The following FGF7 variants were observed in gnomAD, a reference collection of about 807,000 sequenced individuals.
FGF7 encodes the protein fibroblast growth factor 7.
In FGF7, 6 loss-of-function variants were observed where a neutral mutation model predicts 20.5. The observed-to-expected ratio is 0.29, with a 90% CI of 0.16 to 0.58. The LOEUF (loss-of-function observed/expected upper bound fraction) is 0.58. Among genes scored for constraint, FGF7 ranks in the 20% least tolerant of loss-of-function variants. The pLI, the probability that FGF7 is intolerant of heterozygous loss-of-function variation, is 0.90. For synonymous variants in FGF7, 64 were observed against 74.7 expected (o/e 0.86, Z 0.74); for missense variants, 144 against 228.8 (o/e 0.63, Z 2.39).
At chr15:49,445,996 T>C (rs1462143965) in intron 2 of FGF7, among the ~76,000 whole-genome samples, 1 of 151,576 alleles carries the variant, frequency 6.6e-6, no homozygotes, top group African/African-American at 2.4e-5. Flanking sequence ...CATGAATTTT[T>C]TCCTTACTGG....
At chr15:49,479,597 CTGTTTTTTTTTT>C (rs1310401168) in intron 2 of FGF7, among the ~76,000 whole-genome samples, 2 of 102,078 alleles carry the variant, frequency 2.0e-5, no homozygotes, top group Non-Finnish European at 3.7e-5. Context: ...GTTAATACCT[CTGTTTTTTTTTT>C]TTTTTTTTTT....
intron 2 of FGF7, among the ~76,000 whole-genome samples, chr15:49,461,087 T>C (rs1246554186): frequency 1.3e-5 from 2 of 152,188 alleles, no homozygotes; most frequent in Admixed American, 1.3e-4. Flanking sequence ...TTCCTTCTAG[T>C]ATGTTTCTCC....
At chr15:49,472,782 A>G (rs1319446145) in intron 2 of FGF7, among the ~76,000 whole-genome samples, 2 of 152,228 alleles carry the variant, frequency 1.3e-5, no homozygotes, top group Non-Finnish European at 2.9e-5. Context: ...TGTAACTTCA[A>G]ATGGGTAGAA....
At chr15:49,449,375 C>G (rs1171046992) in intron 2 of FGF7, among the ~76,000 whole-genome samples, 2 of 151,984 alleles carry the variant, frequency 1.3e-5, no homozygotes, top group Non-Finnish European at 2.9e-5. Context: ...TATATAAAGA[C>G]AGTTATATTT....
At chr15:49,461,549 T>A (rs531973519) in intron 2 of FGF7, among the ~76,000 whole-genome samples, 31 of 152,306 alleles carry the variant, frequency 2.0e-4, no homozygotes, top group African/African-American at 7.0e-4. Flanking sequence ...CTTGTCTATC[T>A]CTTTGAAAGA....
In FGF7 at chr15:49,468,812, A is replaced by T. The variant is rs780614324; in HGVS notation, c.287-14339A>T. On this transcript the variant is annotated intron_variant, in intron 2 of 3. Transcript: ENST00000267843. The stretch of plus-strand genomic sequence containing the variant: ...TTAATGGTCCTATCCCAATACTAGC[A>T]CTGACAAAAGAGGTTTGTCTTCCGT... Among the ~76,000 whole-genome samples the T allele has an allele frequency of 2.2e-4, 33 of 152,182 alleles. 1 individual carries two copies. Among genetic ancestry groups the T allele is most frequent in the Non-Finnish European group, 5.9e-5 (4 of 68,010 alleles).
At chr15:49,443,684 A>G (rs2051894351) in intron 2 of FGF7, among the ~76,000 whole-genome samples, 1 of 151,762 alleles carries the variant, frequency 6.6e-6, no homozygotes, top group South Asian at 2.1e-4. Flanking sequence ...ATCTTCATTC[A>G]TTTACCTTCT....
intron 2 of FGF7, chr15:49,425,315 G>C (rs2090995690): frequency 6.6e-6 from 1 of 151,914 alleles, no homozygotes; most frequent in African/African-American, 2.4e-5. Flanking sequence ...TCAATTTAAA[G>C]CCTTACATTT....
intron 2 of FGF7, among the ~76,000 whole-genome samples, chr15:49,438,842 A>T (rs1021068523): frequency 4.6e-5 from 7 of 150,938 alleles, no homozygotes; most frequent in Admixed American, 3.3e-4. Context: ...ACTGAGAGAG[A>T]GAGTGGGTGG....
intron 2 of FGF7, among the ~76,000 whole-genome samples, chr15:49,476,641 T>C (rs1365589080): frequency 6.6e-6 from 1 of 152,198 alleles, no homozygotes; most frequent in Non-Finnish European, 1.5e-5. Flanking sequence ...TGGACATAAA[T>C]AAATAATGTA....
intron 2 of FGF7, among the ~76,000 whole-genome samples, chr15:49,475,389 C>T (rs1466413050): frequency 2.0e-5 from 3 of 152,136 alleles, no homozygotes; most frequent in African/African-American, 7.2e-5. Flanking sequence ...GAAAAGGAAC[C>T]AGGGTAGTCC....
intron 2 of FGF7, among the ~76,000 whole-genome samples, chr15:49,471,293 T>C (rs2054724189): frequency 6.6e-6 from 1 of 151,730 alleles, no homozygotes. Flanking sequence ...GAGACTAGCC[T>C]GGCTAACATG....
chr15:49,483,522 T>G (rs543024592), intron 3 of FGF7, among the ~76,000 whole-genome samples: 1 of 152,052 alleles, frequency 6.6e-6, no homozygotes, highest in Non-Finnish European at 1.5e-5. Context: ...TAAAATTCCA[T>G]GTGCATTTTA....
chr15:49,447,916 C>T (rs976940677), intron 2 of FGF7, among the ~76,000 whole-genome samples: 1 of 151,654 alleles, frequency 6.6e-6, no homozygotes, highest in Non-Finnish European at 1.5e-5. Context: ...GAGGTAGAAT[C>T]CTCAGGCTCG....
rs184395255 is a variant in FGF7 at position 49,477,169 on chromosome 15, C to G, written c.287-5982C>G. ...TTGCACTAATGTGGCACATTTATTA[C>G]AACAGATGAGCCAATATTTATTTAT... On this transcript the variant is annotated intron_variant, in intron 2 of 3. Coordinates refer to ENST00000267843, the MANE Select transcript of FGF7 (RefSeq NM_002009.4). Among the ~76,000 whole-genome samples, 173 of 152,140 alleles carry G rather than the reference C, an allele frequency of 1.1e-3. 3 individuals carry two copies. The highest frequency in any genetic ancestry group is 9.9e-3 in the Admixed American group (151 of 15,290).
chr15:49,471,366 A>G (rs1220202386), intron 2 of FGF7, among the ~76,000 whole-genome samples: 3 of 151,762 alleles, frequency 2.0e-5, no homozygotes, highest in Non-Finnish European at 4.4e-5. Context: ...ACCTGTAATT[A>G]CAGCTACTCA....
In FGF7 at chr15:49,486,846, G is replaced by A. The variant is rs2152035736; in HGVS notation, c.*2342G>A. 1 of 151,794 alleles carries A rather than the reference G, an allele frequency of 6.6e-6. No homozygotes were observed. Among genetic ancestry groups the A allele is most frequent in the East Asian group, 1.9e-4 (1 of 5,174 alleles). The allele number at this position is 151,794 out of a possible 1,614,324, so 9.4% of individuals were successfully genotyped here. ...ATTTTAGAAAATAAAATTTGCTCTA[G>A]TTACACACCTTTAGAATTCTAGAAT... On this transcript the variant is annotated 3_prime_UTR_variant, in exon 4 of 4. Coordinates refer to ENST00000267843, the MANE Select transcript of FGF7 (RefSeq NM_002009.4).
intron 2 of FGF7, among the ~76,000 whole-genome samples, chr15:49,475,525 A>G (rs2151982794): frequency 6.6e-6 from 1 of 152,352 alleles, no homozygotes; most frequent in African/African-American, 2.4e-5. Flanking sequence ...TAAGATAGTG[A>G]CAGTAAAATT....
At chr15:49,431,120 T>C (rs1473523847) in intron 2 of FGF7, among the ~76,000 whole-genome samples, 1 of 151,858 alleles carries the variant, frequency 6.6e-6, no homozygotes, top group African/African-American at 2.4e-5. Flanking sequence ...AAATTATGTA[T>C]ACTTAAGTAA....
Sources: allele counts gnomAD v4.1 joint callset (sites outside exome capture counted in the v4.1 genomes callset), GRCh38; gene constraint gnomAD v4.1.1; transcripts MANE v1.5; gene names NCBI Gene and HGNC (gene_info 2026-07-23, HGNC 2026-07-21).